The following CEP112 variants were observed in gnomAD, a reference collection of about 807,000 sequenced individuals.
CEP112 encodes centrosomal protein of 112 kDa.
In CEP112, 127 loss-of-function variants were observed where a neutral mutation model predicts 153.0. The observed-to-expected ratio is 0.83, with a 90% CI of 0.72 to 0.96. CEP112 has a LOEUF of 0.96. Ranked by LOEUF, CEP112 falls within the 40% of genes least tolerant of loss-of-function variation. The pLI is 0.00. For missense variants in CEP112, 1,089 were observed against 1,101.2 expected (o/e 0.99, Z 0.16); for synonymous variants, 358 against 374.4 (o/e 0.96, Z 0.51).
At chr17:65,844,877 G>C (rs940087891) in intron 21 of CEP112, among the ~76,000 whole-genome samples, 8 of 151,928 alleles carry the variant, frequency 5.3e-5, no homozygotes, top group Non-Finnish European at 1.0e-4. Context: ...AGCCGGGCAT[G>C]GTGGCGCCCA....
At chr17:65,902,359 T>G in intron 19 of CEP112, 25 bp from the exon 20 acceptor site, 1 of 1,585,354 alleles carries the variant, frequency 6.3e-7, no homozygotes, top group African/African-American at 1.4e-5. Context: ...AGGAGGACAG[T>G]TCATCAACAG....
At chr17:65,928,516 C>A (rs2061009733) in intron 18 of CEP112, among the ~76,000 whole-genome samples, 1 of 152,102 alleles carries the variant, frequency 6.6e-6, no homozygotes, top group African/African-American at 2.4e-5. Flanking sequence ...AGGAAACCAC[C>A]CAAATATCCA....
intron 23 of CEP112, among the ~76,000 whole-genome samples, chr17:65,740,825 G>C (rs1354118653): frequency 6.6e-6 from 1 of 152,118 alleles, no homozygotes; most frequent in East Asian, 1.9e-4. Context: ...CTAAATCTAT[G>C]TGTACAAAAC....
At chr17:66,034,685 A>C (rs28710242) in intron 12 of CEP112, among the ~76,000 whole-genome samples, 78,071 of 151,704 alleles carry the variant, frequency 0.51, 21,002 homozygotes, top group African/African-American at 0.59. Context: ...AAACAGAAAG[A>C]TATCCAACAA....
chr17:65,669,707 T>G (rs373731629), intron 24 of CEP112, among the ~76,000 whole-genome samples: 1 of 152,010 alleles, frequency 6.6e-6, no homozygotes, highest in Non-Finnish European at 1.5e-5. Flanking sequence ...ATCGAGACCA[T>G]CCTGGCTAAC....
chr17:65,750,528 A>G, intron 22 of CEP112, 134 bp downstream of exon 22: 1 of 685,876 alleles, frequency 1.5e-6, no homozygotes, highest in Non-Finnish European at 2.5e-6. Flanking sequence ...TTGTATACCC[A>G]TAAAAATATG....
intron 6 of CEP112, among the ~76,000 whole-genome samples, chr17:66,115,159 C>T (rs1379040358): frequency 6.6e-6 from 1 of 152,032 alleles, no homozygotes; most frequent in Non-Finnish European, 1.5e-5. Context: ...GAGCCAAGAT[C>T]ATGCCACTGC....
intron 8 of CEP112, among the ~76,000 whole-genome samples, chr17:66,094,260 A>G (rs1225375351): frequency 2.0e-5 from 3 of 151,902 alleles, no homozygotes; most frequent in Admixed American, 6.6e-5. Context: ...GGGTTTCACC[A>G]TGTTGGCCAG....
chr17:65,772,592 A>T (rs1302499822), intron 21 of CEP112, among the ~76,000 whole-genome samples: 1 of 113,430 alleles, frequency 8.8e-6, no homozygotes, highest in Admixed American at 9.1e-5. Flanking sequence ...ACACACACAC[A>T]CACACACACA....
At chr17:66,004,925 A>G (rs972677487) in intron 17 of CEP112, among the ~76,000 whole-genome samples, 2 of 152,200 alleles carry the variant, frequency 1.3e-5, no homozygotes, top group African/African-American at 4.8e-5. Context: ...TTCTTGGGTC[A>G]GTCACCGTAT....
At chr17:65,796,854 A>AT (rs1402045677) in intron 21 of CEP112, among the ~76,000 whole-genome samples, 1 of 148,592 alleles carries the variant, frequency 6.7e-6, no homozygotes, top group Non-Finnish European at 1.5e-5. Context: ...GCAATATGGT[A>AT]AAACCCCATC....
chr17:65,932,988 C>A (rs1036386882), intron 18 of CEP112, among the ~76,000 whole-genome samples: 1 of 151,950 alleles, frequency 6.6e-6, no homozygotes, highest in African/African-American at 2.4e-5. Context: ...GACAAAGGAA[C>A]GGAAATTATT....
intron 21 of CEP112, among the ~76,000 whole-genome samples, chr17:65,815,974 C>A (rs2056240971): frequency 6.6e-6 from 1 of 151,802 alleles, no homozygotes. Context: ...CCTTTTATTT[C>A]TTTTTCTTGC....
At chr17:65,697,581 G>A (rs2048417604) in intron 23 of CEP112, among the ~76,000 whole-genome samples, 1 of 152,064 alleles carries the variant, frequency 6.6e-6, no homozygotes. Flanking sequence ...CAAAGCAAGA[G>A]GATCAAGCCC....
At chr17:66,028,901 C>G (rs2145707416) in intron 14 of CEP112, among the ~76,000 whole-genome samples, 1 of 152,076 alleles carries the variant, frequency 6.6e-6, no homozygotes, top group South Asian at 2.1e-4. Flanking sequence ...TAGCTTATAG[C>G]AGAATTCAGT....
chr17:65,717,019 CTG>C (rs1460691186), intron 23 of CEP112, among the ~76,000 whole-genome samples: 1 of 152,220 alleles, frequency 6.6e-6, no homozygotes, highest in African/African-American at 2.4e-5. Context: ...AGCCAGGAGT[CTG>C]TAAACAATGG....
intron 4 of CEP112, among the ~76,000 whole-genome samples, chr17:66,165,053 A>G (rs1318564180): frequency 1.3e-5 from 2 of 151,218 alleles, no homozygotes; most frequent in Non-Finnish European, 2.9e-5. Context: ...AATGCAAGTA[A>G]GCACAGAAGA....
At chr17:66,131,740 C>A (rs1183934293) in intron 5 of CEP112, among the ~76,000 whole-genome samples, 1 of 151,670 alleles carries the variant, frequency 6.6e-6, no homozygotes, top group Non-Finnish European at 1.5e-5. Context: ...GAGCAAGACT[C>A]CATCACAAAA....
chr17:65,733,519 A>G (rs2050632530), intron 23 of CEP112, among the ~76,000 whole-genome samples: 1 of 152,222 alleles, frequency 6.6e-6, no homozygotes, highest in Non-Finnish European at 1.5e-5. Flanking sequence ...AATGAAGTGC[A>G]ATAAAACAAG....
Sources: gnomAD v4.1 joint callset for allele counts (sites outside exome capture counted in the v4.1 genomes callset) on GRCh38, gnomAD v4.1.1 for gene constraint, MANE v1.5 for transcripts, NCBI Gene and HGNC (gene_info 2026-07-23, HGNC 2026-07-21) for gene names.